TEX9: variants seen among roughly 807,000 people sequenced by gnomAD.
The protein encoded by TEX9 is testis-expressed protein 9.
TEX9 carries 74 observed loss-of-function variants against 59.6 expected under a neutral mutation model. The ratio of observed to expected loss-of-function variants is 1.24; its 90% CI spans 1.03 to 1.51. The LOEUF (loss-of-function observed/expected upper bound fraction) is 1.51, where lower values mean the gene tolerates loss of function less well. Ranked by LOEUF, TEX9 falls within the 40% of genes most tolerant of loss-of-function variation. The probability of loss-of-function intolerance (pLI) is 0.00; values close to 1 mark genes in which losing one functional copy is unlikely to be tolerated. For synonymous variants in TEX9, 186 were observed against 152.2 expected, an observed-to-expected ratio of 1.22 and a Z score of -1.64; for missense variants, 522 against 447.8, an observed-to-expected ratio of 1.17 and a Z score of -1.49.
At chr15:56,358,885 T>A (rs1294377539) in intron 1 of TEX9, among the ~76,000 whole-genome samples, 1 of 152,156 alleles carries the variant, frequency 6.6e-6, no homozygotes, top group African/African-American at 2.4e-5. Flanking sequence ...TTCACGTACT[T>A]GCTCTCTCTC....
chr15:56,414,620 A>G (rs1303468029), intron 10 of TEX9, among the ~76,000 whole-genome samples: 1 of 151,700 alleles, frequency 6.6e-6, no homozygotes, highest in Non-Finnish European at 1.5e-5. Context: ...ATACGTACCA[A>G]ATTTTCTTTA....
chr15:56,353,629 A>G (rs563329310), intron 1 of TEX9, among the ~76,000 whole-genome samples: 3 of 152,352 alleles, frequency 2.0e-5, no homozygotes, highest in Admixed American at 1.3e-4. Flanking sequence ...AAATCTAACA[A>G]AAAGTGAAAA....
intron 1 of TEX9, among the ~76,000 whole-genome samples, chr15:56,337,968 C>T (rs2046289714): frequency 2.0e-5 from 3 of 152,188 alleles, no homozygotes; most frequent in Non-Finnish European, 4.4e-5. Flanking sequence ...AGTAGATGAG[C>T]TACATCCTAA....
At chr15:56,449,539 A>G (rs144384541), downstream of TEX9, among the ~76,000 whole-genome samples, 36 of 152,288 alleles carry the variant, frequency 2.4e-4, no homozygotes, top group East Asian at 6.6e-3. Context: ...AATTCATGAG[A>G]GAGATTAGTC....
At chr15:56,441,391 T>A (rs554896776) in intron 12 of TEX9, among the ~76,000 whole-genome samples, 1 of 152,258 alleles carries the variant, frequency 6.6e-6, no homozygotes, top group South Asian at 2.1e-4. Context: ...AAATGTCAGG[T>A]CAAGTTTATT....
chr15:56,423,555 C>T (rs1203811165), intron 10 of TEX9, among the ~76,000 whole-genome samples: 1 of 152,050 alleles, frequency 6.6e-6, no homozygotes, highest in African/African-American at 2.4e-5. Flanking sequence ...ATGCAACCCA[C>T]TTAAAATATA....
In TEX9 at chr15:56,281,552, C is replaced by G. The variant is rs150453882; in HGVS notation, c.-107+37274C>G. Among the ~76,000 whole-genome samples the G allele has an allele frequency of 1.6e-4, 24 of 152,318 alleles. No individual in the cohort carries two copies. In the East Asian group the frequency reaches 4.4e-3, roughly 28 times the overall value. On this transcript the variant is annotated intron_variant, in intron 1 of 5. Coordinates refer to the TEX9 transcript ENST00000560827. ...CATCCTAAAACCATCCCTCACCCCC[C>G]GCCCCACTCTTAAGTCCGTGGAAAA...
intron 9 of TEX9, among the ~76,000 whole-genome samples, chr15:56,406,950 G>A (rs2049109992): frequency 6.6e-6 from 1 of 151,962 alleles, no homozygotes; most frequent in Non-Finnish European, 1.5e-5. Flanking sequence ...ATTTTCTTGT[G>A]GCTTTTGCTT....
chr15:56,401,942 A>C (rs1476122694), intron 9 of TEX9, among the ~76,000 whole-genome samples: 1 of 152,226 alleles, frequency 6.6e-6, no homozygotes, highest in African/African-American at 2.4e-5. Flanking sequence ...ATGAGAACAA[A>C]GACACAACAT....
intron 10 of TEX9, chr15:56,421,406 G>A (rs2049970834): frequency 1.3e-5 from 2 of 151,848 alleles, no homozygotes; most frequent in Non-Finnish European, 2.9e-5. Flanking sequence ...TTTCATCTTT[G>A]AGAATCATGT....
intron 6 of TEX9, 36 bp downstream of exon 6, chr15:56,389,436 A>G: frequency 7.0e-7 from 1 of 1,436,040 alleles, no homozygotes; most frequent in South Asian, 1.2e-5. Flanking sequence ...CTTTTTTTTT[A>G]GTTTTGTAAT....
chr15:56,375,918 G>C (rs1381786941), intron 3 of TEX9, among the ~76,000 whole-genome samples: 15 of 151,610 alleles, frequency 9.9e-5, no homozygotes, highest in African/African-American at 3.6e-4. Flanking sequence ...CATGTCCTTT[G>C]TAGGGACATG....
exon 9 of TEX9, chr15:56,394,704 A>T (rs2048373300): frequency 6.2e-7 from 1 of 1,604,848 alleles, no homozygotes; most frequent in Admixed American, 1.7e-5. Flanking sequence ...AAAAATTTTG[A>T]AGAAGATTTT....
intron 1 of TEX9, among the ~76,000 whole-genome samples, chr15:56,283,255 T>C (rs2044863247): frequency 6.6e-6 from 1 of 152,172 alleles, no homozygotes; most frequent in Admixed American, 6.5e-5. Context: ...TGTAATTTGT[T>C]TTAGTTTCTT....
At chr15:56,290,196 C>T (rs1225073956) in intron 1 of TEX9, among the ~76,000 whole-genome samples, 3 of 152,012 alleles carry the variant, frequency 2.0e-5, no homozygotes, top group African/African-American at 7.3e-5. Flanking sequence ...AAAGCAGCTG[C>T]TTCTTGTGTG....
chr15:56,298,171 T>G (rs1487769264), intron 1 of TEX9, among the ~76,000 whole-genome samples: 2 of 152,192 alleles, frequency 1.3e-5, no homozygotes, highest in African/African-American at 4.8e-5. Flanking sequence ...AAAAAAGTAT[T>G]TGAGACAGTA....
chr15:56,454,325 C>T, the TEX9 span, among the ~76,000 whole-genome samples: 1 of 151,942 alleles, frequency 6.6e-6, no homozygotes, highest in African/African-American at 2.4e-5. Context: ...GGGTATCCAT[C>T]CCCTCAAGCA....
At chr15:56,273,099 A>T (rs572583370) in intron 1 of TEX9, among the ~76,000 whole-genome samples, 2 of 151,964 alleles carry the variant, frequency 1.3e-5, no homozygotes, top group South Asian at 2.1e-4. Context: ...GACTACAGGC[A>T]TGTGCCACCA....
At chr15:56,390,276 C>A (rs1375460296) in intron 6 of TEX9, among the ~76,000 whole-genome samples, 1 of 151,710 alleles carries the variant, frequency 6.6e-6, no homozygotes, top group African/African-American at 2.4e-5. Flanking sequence ...AGATCAAGAC[C>A]TACTATTTGA....
Sources: allele counts gnomAD v4.1 joint callset (sites outside exome capture counted in the v4.1 genomes callset), GRCh38; gene constraint gnomAD v4.1.1; transcripts MANE v1.5; gene names NCBI Gene and HGNC (gene_info 2026-07-23, HGNC 2026-07-21).